The following MALT1 variants were observed in gnomAD, a reference collection of about 807,000 sequenced individuals.
MALT1 encodes the protein mucosa-associated lymphoid tissue lymphoma translocation protein 1.
A neutral mutation model predicts 85.5 loss-of-function variants in MALT1; 36 were observed. The observed-to-expected ratio is 0.42, with a 90% confidence interval of 0.32 to 0.56. MALT1 has a LOEUF of 0.56. Ranked by LOEUF, MALT1 falls within the 20% of genes least tolerant of loss-of-function variation. MALT1 has a pLI of 0.10. For missense variants in MALT1, 716 were observed against 981.6 expected (o/e 0.73, Z 3.62); for synonymous variants, 359 against 361.3 (o/e 0.99, Z 0.07).
Position 58,671,759 on chromosome 18 carries a change from G to A in MALT1, c.116G>A (p.Arg39Gln). The change falls in exon 1 of 17, where the codon CGG (arginine) becomes CAG (glutamine). Residue 39 changes from arginine (R) to glutamine (Q), a missense_variant. Transcript: ENST00000649217. Reference sequence around the variant, plus strand: ...AACCGCCTGCGGGAGCCGCTGCTGCGGAGGCTCAGCGAGCTCCTGGATCAG... The same window carrying A: ...AACCGCCTGCGGGAGCCGCTGCTGCAGAGGCTCAGCGAGCTCCTGGATCAG... ...TLNRLREPLL[R>Q]RLSELLDQAP... 2.4e-6 allele frequency: 3 copies of A among 1,271,756 alleles called. No homozygotes were observed. The highest frequency in any genetic ancestry group is 2.0e-6 in the Non-Finnish European group (2 of 1,009,452). The allele number at this position is 1,271,756 out of a possible 1,614,324, so 78.8% of individuals were successfully genotyped here.
intron 15 of MALT1, 69 bp downstream of exon 15, chr18:58,744,564 CTTAAAG>C (rs2055342206): frequency 2.2e-6 from 2 of 894,742 alleles, no homozygotes; most frequent in East Asian, 2.9e-5. Flanking sequence ...TTTTTTAAAA[CTTAAAG>C]TTGATGGTAA....
At chr18:58,717,004 C>T (rs1282908354) in intron 9 of MALT1, among the ~76,000 whole-genome samples, 1 of 152,130 alleles carries the variant, frequency 6.6e-6, no homozygotes, top group African/African-American at 2.4e-5. Context: ...TATTGGGAAG[C>T]TGAGGACATT....
rs2054823406 is a variant in MALT1, at chr18:58,710,958, T to A, written c.958+5T>A. 1.9e-6 allele frequency: 3 copies of A among 1,567,682 alleles called. No individual in the cohort carries two copies. In the East Asian group the frequency reaches 7.2e-5, roughly 38 times the overall value. On this transcript the variant is annotated splice_donor_5th_base_variant and intron_variant, in intron 7 of 16. Transcript: ENST00000649217. ...AGGCAGTGGAGTGCACTGAAGGTAG[T>A]GTAAGTCTTTGGTTTGAAACCAAAT...
At chr18:58,745,878 T>C (rs1241284345) in intron 16 of MALT1, 87 bp downstream of exon 16, 1 of 1,231,888 alleles carries the variant, frequency 8.1e-7, no homozygotes. Context: ...ATATGCTGCC[T>C]TATTATTAAA....
intron 13 of MALT1, among the ~76,000 whole-genome samples, chr18:58,737,826 A>C (rs2055245677): frequency 1.3e-5 from 2 of 152,070 alleles, no homozygotes; most frequent in South Asian, 4.1e-4. Context: ...CAAGTGATCC[A>C]CCGGCCTCAG....
At chr18:58,703,289 G>A (rs62094043) in intron 4 of MALT1, among the ~76,000 whole-genome samples, 85,903 of 151,828 alleles carry the variant, frequency 0.57, 25,515 homozygotes, top group Non-Finnish European at 0.67. Context: ...CCCAGGGGGC[G>A]GAGGTTGCAG....
chr18:58,677,275 G>T (rs2054254729), intron 1 of MALT1, among the ~76,000 whole-genome samples: 1 of 147,782 alleles, frequency 6.8e-6, no homozygotes, highest in African/African-American at 2.6e-5. Context: ...TTTGATCTTT[G>T]TTCTTTTGGG....
At chr18:58,721,817 T>A (rs1349221833) in intron 9 of MALT1, among the ~76,000 whole-genome samples, 1 of 152,210 alleles carries the variant, frequency 6.6e-6, no homozygotes, top group East Asian at 1.9e-4. Flanking sequence ...AAGAGTAGTA[T>A]TCATAATAAC....
In MALT1 at chr18:58,712,459, A is replaced by G. The variant is rs1417701946; in HGVS notation, c.958+1506A>G. ...TGAAATAAGCCAGGCACAGAAAGAC[A>G]AATATCATATGTTCTTACTTATCTA... is the stretch of plus-strand genomic sequence containing the variant. On this transcript the variant is annotated intron_variant, in intron 7 of 16. Transcript: ENST00000649217. Among the ~76,000 whole-genome samples, 3 of 152,314 alleles carry G rather than the reference A, an allele frequency of 2.0e-5. No homozygotes were observed. The East Asian group carries it at 5.8e-4, about 29-fold the overall frequency.
intron 2 of MALT1, among the ~76,000 whole-genome samples, chr18:58,691,822 G>C (rs539609107): frequency 2.0e-5 from 3 of 151,388 alleles, no homozygotes; most frequent in Admixed American, 2.0e-4. Flanking sequence ...GCCGTGAGCC[G>C]AGATTGCGCC....
In MALT1 at chr18:58,744,326, G is replaced by T; in HGVS notation, c.1754-12G>T. On this transcript the variant is annotated splice_polypyrimidine_tract_variant and intron_variant, in intron 14 of 16. Transcript: ENST00000649217. ...AAAACCTACCAAAGTTGTTCTTATT[G>T]TTCTTTTTCAGAACTTCCAGAAAGT... is the stretch of plus-strand genomic sequence containing the variant. The T allele has an allele frequency of 1.3e-6, 2 of 1,578,056 alleles. No homozygotes were observed. The highest frequency in any genetic ancestry group is 8.6e-7 in the Non-Finnish European group (1 of 1,161,310).
At chr18:58,700,332 A>G (rs1301750536) in intron 3 of MALT1, 109 bp from the exon 4 acceptor site, 7 of 789,462 alleles carry the variant, frequency 8.9e-6, no homozygotes, top group East Asian at 6.0e-5. Flanking sequence ...CTTGGGGGAA[A>G]AATGTTGCAC....
chr18:58,688,536 CAAAAAA>C (rs552838701), intron 2 of MALT1, among the ~76,000 whole-genome samples: 100 of 61,402 alleles, frequency 1.6e-3, no homozygotes, highest in Non-Finnish European at 2.5e-3. Context: ...CCTGTTTCTA[CAAAAAA>C]AAAAAAAAAA....
In MALT1 at chr18:58,747,396, C is replaced by T. The variant is rs1483081660; in HGVS notation, c.2038-9C>T. ...TGCCAATAATAAACCAGATTTTTTT[C>T]CTTTTCAGGAACATCTAGTCTTCAC... is the stretch of plus-strand genomic sequence containing the variant. On this transcript the variant is annotated splice_polypyrimidine_tract_variant and intron_variant, in intron 16 of 16. Coordinates refer to ENST00000649217, the MANE Select transcript of MALT1 (RefSeq NM_006785.4). The T allele has an allele frequency of 4.4e-6, 7 of 1,573,208 alleles. No individual in the cohort carries two copies. The Admixed American group carries it at 5.5e-5, about 12-fold the overall frequency.
At position 58,747,746 on chromosome 18, in the gene MALT1, T is replaced by C. The variant is rs1222525157; in HGVS notation, c.2379T>C (p.His793=). The C allele has an allele frequency of 6.2e-7, 1 of 1,614,214 alleles. No homozygotes were observed. Among genetic ancestry groups the C allele is most frequent in the Admixed American group, 1.7e-5 (1 of 60,024 alleles). ...PDAFISSFAH[H]ASCHFSRSNV... ...CATTTATTTCAAGTTTCGCTCACCA[T>C]GCTTCATGTCATTTTAGTAGAAGTA... is the stretch of plus-strand genomic sequence containing the variant. The change falls in exon 17 of 17, where the codon CAT becomes CAC. Residue 793 remains histidine (H), a synonymous_variant. Coordinates refer to ENST00000649217, the MANE Select transcript of MALT1 (RefSeq NM_006785.4).
intron 13 of MALT1, among the ~76,000 whole-genome samples, chr18:58,738,440 A>G (rs2055255209): frequency 6.6e-6 from 1 of 152,174 alleles, no homozygotes. Flanking sequence ...TAACAGTGCT[A>G]TCATTAACAG....
At position 58,747,780 on chromosome 18, in the gene MALT1, G is replaced by A. The variant is rs2055390628; in HGVS notation, c.2413G>A (p.Val805Ile). The A allele has an allele frequency of 6.2e-7, 1 of 1,614,124 alleles. No individual in the cohort carries two copies. The change falls in exon 17 of 17, where the codon GTA becomes ATA. Residue 805 changes from valine to isoleucine, a missense_variant. Physicochemically the swap from Val to Ile is conservative, Grantham distance 29 (BLOSUM62 3). Around this residue, in one of 4 missense-constraint regions of MALT1, gnomAD observed 260 missense variants for 323.7 expected, o/e 0.80. Coordinates refer to ENST00000649217, the MANE Select transcript of MALT1 (RefSeq NM_006785.4). ...TCATTTTAGTAGAAGTAATGTGCCA[G>A]TAGAGACAACTGATGAAATACCATT... The part of the protein sequence containing the change: ...SCHFSRSNVP[V>I]ETTDEIPFSF...
rs142113833 is a variant in MALT1 at position 58,688,831 on chromosome 18, C to T, written c.376+7495C>T. 1.5e-3 allele frequency among the ~76,000 whole-genome samples: 232 copies of T among 152,102 alleles called. 3 individuals are homozygous for T. Among genetic ancestry groups the T allele is most frequent in the African/African-American group, 5.4e-3 (224 of 41,482 alleles). On this transcript the variant is annotated intron_variant, in intron 2 of 16. Coordinates refer to ENST00000649217, the MANE Select transcript of MALT1 (RefSeq NM_006785.4). ...AAGGTAGGCTCACTGTGGCAGAAAGCGGGATTACCGTGGGAGATATATTGA... is the reference window on the plus strand; with the variant it reads ...AAGGTAGGCTCACTGTGGCAGAAAGTGGGATTACCGTGGGAGATATATTGA...
At chr18:58,713,792 G>A (rs1204625344) in intron 7 of MALT1, among the ~76,000 whole-genome samples, 2 of 152,144 alleles carry the variant, frequency 1.3e-5, no homozygotes, top group African/African-American at 4.8e-5. Context: ...TGAGATTACT[G>A]TTTTTAATTA....
Sources: gnomAD v4.1 joint callset for allele counts (sites outside exome capture counted in the v4.1 genomes callset) on GRCh38, gnomAD v4.1.1 for gene constraint, gnomAD v4.1.1 regional missense constraint, MANE v1.5 for transcripts, NCBI Gene and HGNC (gene_info 2026-07-23, HGNC 2026-07-21) for gene names.